The following NKAIN2 variants were observed in gnomAD, a reference collection of about 807,000 sequenced individuals.
NKAIN2 encodes the protein sodium/potassium-transporting ATPase subunit beta-1-interacting protein 2.
A neutral mutation model predicts 32.6 loss-of-function variants in NKAIN2; 14 were observed. The ratio of observed to expected loss-of-function variants is 0.43; its 90% CI spans 0.28 to 0.67. NKAIN2 has a LOEUF of 0.67. Ranked by LOEUF, NKAIN2 falls within the 30% of genes least tolerant of loss-of-function variation. NKAIN2 has a pLI of 0.17. For synonymous variants in NKAIN2, 80 were observed against 87.2 expected (o/e 0.92, Z 0.46); for missense variants, 198 against 258.3 (o/e 0.77, Z 1.60).
chr6:124,034,495 C>CA (rs1412387585), intron 1 of NKAIN2, among the ~76,000 whole-genome samples: 3 of 152,026 alleles, frequency 2.0e-5, no homozygotes, highest in Admixed American at 6.6e-5. Flanking sequence ...GTATATGAAT[C>CA]ACATTTTTAA....
chr6:123,974,866 T>C (rs949242454), intron 1 of NKAIN2, among the ~76,000 whole-genome samples: 1 of 152,196 alleles, frequency 6.6e-6, no homozygotes, highest in Admixed American at 6.5e-5. Context: ...ACATTTTGTC[T>C]TGCTCCACAG....
intron 4 of NKAIN2, among the ~76,000 whole-genome samples, chr6:124,719,756 C>T (rs958584511): frequency 6.6e-5 from 10 of 151,534 alleles, no homozygotes; most frequent in Admixed American, 3.3e-4. Flanking sequence ...AGTTTGTATG[C>T]GCAGGCATAG....
At chr6:124,209,718 C>T (rs1175736367) in intron 1 of NKAIN2, among the ~76,000 whole-genome samples, 5 of 151,784 alleles carry the variant, frequency 3.3e-5, no homozygotes, top group Admixed American at 3.3e-4. Context: ...TGAGGTTGAG[C>T]ATTTTTTTCA....
intron 1 of NKAIN2, among the ~76,000 whole-genome samples, chr6:124,033,743 C>T (rs1311998273): frequency 1.3e-5 from 2 of 152,096 alleles, no homozygotes; most frequent in Non-Finnish European, 2.9e-5. Context: ...GTCAGGGAAA[C>T]AGGAATAATG....
chr6:124,578,262 T>C (rs770110828), intron 3 of NKAIN2, among the ~76,000 whole-genome samples: 3 of 152,044 alleles, frequency 2.0e-5, no homozygotes, highest in African/African-American at 7.2e-5. Context: ...AAGCAGGATC[T>C]TGGGGTCCCT....
chr6:124,334,205 G>T (rs1797776075), intron 2 of NKAIN2, among the ~76,000 whole-genome samples: 1 of 152,056 alleles, frequency 6.6e-6, no homozygotes, highest in African/African-American at 2.4e-5. Flanking sequence ...TTATTTCTCT[G>T]CACTTCTCAG....
intron 1 of NKAIN2, among the ~76,000 whole-genome samples, chr6:124,281,624 C>T (rs1017405981): frequency 3.3e-5 from 5 of 152,038 alleles, no homozygotes; most frequent in Admixed American, 1.3e-4. Context: ...ATGAGAATTA[C>T]GATTTGACTA....
intron 3 of NKAIN2, among the ~76,000 whole-genome samples, chr6:124,590,839 T>A (rs2114960535): frequency 6.6e-6 from 1 of 150,582 alleles, no homozygotes; most frequent in East Asian, 2.0e-4. Context: ...CAGGCTGGAG[T>A]TCCAGCTGAT....
chr6:124,730,785 G>A (rs1405074728), intron 4 of NKAIN2, among the ~76,000 whole-genome samples: 2 of 151,864 alleles, frequency 1.3e-5, no homozygotes, highest in African/African-American at 4.8e-5. Flanking sequence ...CCTACACAAT[G>A]GGAGAAAATT....
chr6:123,838,865 G>A (rs539585981), intron 1 of NKAIN2, among the ~76,000 whole-genome samples: 8 of 152,178 alleles, frequency 5.3e-5, no homozygotes, highest in Non-Finnish European at 1.2e-4. Flanking sequence ...TACCTCCTAA[G>A]GTTAGATTAG....
At chr6:123,860,982 G>A (rs2130593) in intron 1 of NKAIN2, among the ~76,000 whole-genome samples, 114,964 of 152,074 alleles carry the variant, frequency 0.76, 45,002 homozygotes, top group Non-Finnish European at 0.86. Flanking sequence ...CCCCAGCATT[G>A]CCACTCAGGT....
chr6:124,245,174 G>A (rs962734190), intron 1 of NKAIN2, among the ~76,000 whole-genome samples: 1 of 152,032 alleles, frequency 6.6e-6, no homozygotes, highest in Non-Finnish European at 1.5e-5. Context: ...ACCTAAGTGT[G>A]TTCTCCATAT....
At chr6:124,311,857 CT>C (rs1562484770) in intron 2 of NKAIN2, among the ~76,000 whole-genome samples, 1 of 152,032 alleles carries the variant, frequency 6.6e-6, no homozygotes. Context: ...TATTTTTTAG[CT>C]TTCAAAGGTT....
intron 3 of NKAIN2, among the ~76,000 whole-genome samples, chr6:124,566,305 C>T (rs1338672778): frequency 1.3e-5 from 2 of 152,152 alleles, no homozygotes; most frequent in African/African-American, 4.8e-5. Context: ...TCAGTATGGG[C>T]CTTTATTTGT....
chr6:123,935,958 A>G (rs1296330430), intron 1 of NKAIN2, among the ~76,000 whole-genome samples: 2 of 152,118 alleles, frequency 1.3e-5, no homozygotes, highest in Non-Finnish European at 2.9e-5. Context: ...ATAAAAGAAT[A>G]AAAAGAAATG....
At chr6:124,672,187 G>C (rs548335568) in intron 4 of NKAIN2, among the ~76,000 whole-genome samples, 1 of 152,008 alleles carries the variant, frequency 6.6e-6, no homozygotes, top group Non-Finnish European at 1.5e-5. Context: ...TTATAAGTCT[G>C]CAATGATGCC....
At chr6:124,475,164 G>C in intron 3 of NKAIN2, among the ~76,000 whole-genome samples, 1 of 151,898 alleles carries the variant, frequency 6.6e-6, no homozygotes, top group East Asian at 1.9e-4. Context: ...AGAACAGAAA[G>C]CACCAAAATT....
At chr6:124,633,296 G>A (rs1331753048) in intron 3 of NKAIN2, among the ~76,000 whole-genome samples, 1 of 152,086 alleles carries the variant, frequency 6.6e-6, no homozygotes, top group Admixed American at 6.6e-5. Context: ...TTTTGTTGTA[G>A]CATACACTAG....
At chr6:124,271,639 T>A (rs7746183) in intron 1 of NKAIN2, among the ~76,000 whole-genome samples, 1,551 of 152,172 alleles carry the variant, frequency 0.01, 26 homozygotes, top group African/African-American at 0.036. Flanking sequence ...AACCTGAAAA[T>A]GTGGAATTGG....
Sources: allele counts gnomAD v4.1 joint callset (sites outside exome capture counted in the v4.1 genomes callset), GRCh38; gene constraint gnomAD v4.1.1; transcripts MANE v1.5; gene names NCBI Gene and HGNC (gene_info 2026-07-23, HGNC 2026-07-21).